The following PLCB1 variants were observed in gnomAD, a reference collection of about 807,000 sequenced individuals.
PLCB1 encodes the protein phospholipase C beta 1.
Under a neutral mutation model 161.8 loss-of-function variants are expected in PLCB1, and 46 were observed. The ratio of observed to expected loss-of-function variants is 0.28; its 90% CI spans 0.22 to 0.36. PLCB1 has a LOEUF of 0.36. Ranked by LOEUF, PLCB1 falls within the 10% of genes least tolerant of loss-of-function variation. PLCB1 has a pLI of 1.00. For synonymous variants in PLCB1, 517 were observed against 503.7 expected, an observed-to-expected ratio of 1.03 and a Z score of -0.35; for missense variants, 1,016 against 1,472.5, an observed-to-expected ratio of 0.69 and a Z score of 5.07.
chr20:8,808,169 C>T (rs1032762850), intron 31 of PLCB1, among the ~76,000 whole-genome samples: 2 of 152,194 alleles, frequency 1.3e-5, no homozygotes, highest in Non-Finnish European at 2.9e-5. Flanking sequence ...CTCTGCTCAG[C>T]TTCCACAGCA....
rs191617824 is a variant in PLCB1 at position 8,347,291 on chromosome 20, A to G, written c.178-24091A>G. On this transcript the variant is annotated intron_variant, in intron 2 of 31. Transcript: ENST00000338037. Reference sequence around the variant, plus strand: ...AGTTCTAGAGTTTATAGTGGAAAAAATATGCAGTCCATTGTCTTGAAATGT... The same window carrying G: ...AGTTCTAGAGTTTATAGTGGAAAAAGTATGCAGTCCATTGTCTTGAAATGT... 4.6e-4 allele frequency among the ~76,000 whole-genome samples: 70 copies of G among 152,348 alleles called. 1 individual carries two copies. Among genetic ancestry groups the G allele is most frequent in the African/African-American group, 1.6e-3 (65 of 41,590 alleles).
rs1329546120 is a variant in PLCB1, at chr20:8,802,304, A to G, written c.3423+12043A>G. The G allele has an allele frequency of 1.2e-5, 7 of 581,366 alleles. No individual in the cohort carries two copies. The South Asian group carries it at 1.4e-4, about 11-fold the overall frequency. The allele number at this position is 581,366 out of a possible 1,614,324, so 36.0% of individuals were successfully genotyped here. On this transcript the variant is annotated intron_variant, in intron 31 of 31. Coordinates refer to ENST00000338037, the MANE Select transcript of PLCB1 (RefSeq NM_015192.4). Reference sequence around the variant, plus strand: ...TACATTCCCATCTTTTTTTTCTGCTAAAGTTCCCAGCCACACCCATGATCA... The same window carrying G: ...TACATTCCCATCTTTTTTTTCTGCTGAAGTTCCCAGCCACACCCATGATCA...
intron 2 of PLCB1, among the ~76,000 whole-genome samples, chr20:8,336,929 C>G (rs1047838422): frequency 9.2e-5 from 14 of 151,818 alleles, no homozygotes; most frequent in Admixed American, 6.6e-4. Context: ...ATGTTCAAAA[C>G]AAATATTATA....
chr20:8,222,974 A>G lies in PLCB1; in HGVS notation c.177+72603A>G, dbSNP rs540741993. Among the ~76,000 whole-genome samples the G allele has an allele frequency of 6.3e-4, 96 of 152,218 alleles. No individual in the cohort carries two copies. In the Middle Eastern group the frequency reaches 0.02, roughly 32 times the overall value. On this transcript the variant is annotated intron_variant, in intron 2 of 31. Coordinates refer to ENST00000338037, the MANE Select transcript of PLCB1 (RefSeq NM_015192.4). ...TCATTTCACTCATGAGTGATTACCT[A>G]TGTCCATAGGTCTACTGCCTGTCCT...
In PLCB1 at chr20:8,658,501, A is replaced by G. The variant is rs368325891; in HGVS notation, c.696-37A>G. 29 of 1,504,376 alleles carry G rather than the reference A, an allele frequency of 1.9e-5. No homozygotes were observed. In the African/African-American group the frequency reaches 3.8e-4, roughly 20 times the overall value. The allele number at this position is 1,504,376 out of a possible 1,614,324, so 93.2% of individuals were successfully genotyped here. On this transcript the variant is annotated intron_variant, in intron 8 of 31. Transcript: ENST00000338037. ...CAAATATTAGAATGAAACTTAGTTT[A>G]AAAAATTCTTATTGCTTGGTTTTTC...
At chr20:8,239,170 G>C (rs912474363) in intron 2 of PLCB1, among the ~76,000 whole-genome samples, 1 of 152,002 alleles carries the variant, frequency 6.6e-6, no homozygotes, top group Non-Finnish European at 1.5e-5. Context: ...TCAGAGCTAG[G>C]ATGAGACTGA....
At position 8,178,976 on chromosome 20, in the gene PLCB1, G is replaced by A. The variant is rs982665540; in HGVS notation, c.177+28605G>A. ...GGCTTTATTTCTGGGCTCTCTATTC[G>A]GTTCCATTGGTCTACGTGTCTATTT... On this transcript the variant is annotated intron_variant, in intron 2 of 31. Transcript: ENST00000338037. Among the ~76,000 whole-genome samples the A allele has an allele frequency of 5.3e-5, 8 of 152,130 alleles. No individual in the cohort carries two copies. The South Asian group carries it at 1.0e-3, about 20-fold the overall frequency.
At position 8,168,786 on chromosome 20, in the gene PLCB1, G is replaced by A. The variant is rs576401394; in HGVS notation, c.177+18415G>A. Among the ~76,000 whole-genome samples the A allele has an allele frequency of 2.6e-5, 4 of 151,616 alleles. No homozygotes were observed. The South Asian group carries it at 8.3e-4, about 32-fold the overall frequency. ...TTCCCTTTCTTTGTATCCTGTGTTG[G>A]GAAATGGAAATAATTCAAAATCTGT... On this transcript the variant is annotated intron_variant, in intron 2 of 31. Coordinates refer to ENST00000338037, the MANE Select transcript of PLCB1 (RefSeq NM_015192.4).
chr20:8,536,328 G>T (rs766812545), intron 3 of PLCB1, among the ~76,000 whole-genome samples: 3 of 152,108 alleles, frequency 2.0e-5, no homozygotes, highest in Non-Finnish European at 4.4e-5. Context: ...AGTTTGTTGT[G>T]GTTTGAGTTT....
At chr20:8,344,583 C>A (rs946416967) in intron 2 of PLCB1, among the ~76,000 whole-genome samples, 1 of 152,180 alleles carries the variant, frequency 6.6e-6, no homozygotes, top group Non-Finnish European at 1.5e-5. Flanking sequence ...TCCAGCTTCA[C>A]CTCCCAGTAC....
At chr20:8,291,372 A>G (rs1186278719) in intron 2 of PLCB1, among the ~76,000 whole-genome samples, 1 of 152,180 alleles carries the variant, frequency 6.6e-6, no homozygotes, top group African/African-American at 2.4e-5. Flanking sequence ...CAAGGAAAAC[A>G]GCAAAAACAG....
intron 9 of PLCB1, among the ~76,000 whole-genome samples, chr20:8,681,200 A>T (rs1990212809): frequency 6.7e-6 from 1 of 150,212 alleles, no homozygotes; most frequent in Admixed American, 6.7e-5. Context: ...TTGGATACAC[A>T]TTCTTTGCAT....
chr20:8,173,771 G>A (rs921498250), intron 2 of PLCB1, among the ~76,000 whole-genome samples: 3 of 151,918 alleles, frequency 2.0e-5, no homozygotes, highest in African/African-American at 7.3e-5. Flanking sequence ...TGCAAAAATA[G>A]AAAACTTCAG....
At chr20:8,289,222 G>C (rs893961128) in intron 2 of PLCB1, among the ~76,000 whole-genome samples, 6 of 152,166 alleles carry the variant, frequency 3.9e-5, no homozygotes, top group Admixed American at 3.9e-4. Flanking sequence ...AGAATTGATT[G>C]AGTGCTTTCA....
chr20:8,249,196 A>G (rs1481341969), intron 2 of PLCB1, among the ~76,000 whole-genome samples: 2 of 151,982 alleles, frequency 1.3e-5, no homozygotes, highest in African/African-American at 4.8e-5. Context: ...TTCGATTTAC[A>G]TAAGAAATAG....
chr20:8,234,091 G>A (rs1980204852), intron 2 of PLCB1, among the ~76,000 whole-genome samples: 1 of 152,070 alleles, frequency 6.6e-6, no homozygotes, highest in Non-Finnish European at 1.5e-5. Flanking sequence ...GTGTGTCTTA[G>A]AGTGAAACTG....
chr20:8,216,670 C>T (rs893599264), intron 2 of PLCB1, among the ~76,000 whole-genome samples: 1 of 151,986 alleles, frequency 6.6e-6, no homozygotes, highest in Non-Finnish European at 1.5e-5. Flanking sequence ...TCAAAAAGGT[C>T]AGAGAAAAGG....
chr20:8,376,236 C>T (rs1177131501), intron 3 of PLCB1, among the ~76,000 whole-genome samples: 1 of 152,102 alleles, frequency 6.6e-6, no homozygotes, highest in Non-Finnish European at 1.5e-5. Context: ...GATCTGACAA[C>T]TAGTTTATTC....
At chr20:8,229,250 C>G (rs1017532878) in intron 2 of PLCB1, among the ~76,000 whole-genome samples, 3 of 151,416 alleles carry the variant, frequency 2.0e-5, no homozygotes, top group Non-Finnish European at 4.4e-5. Context: ...TGAGAAAAAC[C>G]CAGGCATGCA....
Sources: allele counts gnomAD v4.1 joint callset (sites outside exome capture counted in the v4.1 genomes callset), GRCh38; gene constraint gnomAD v4.1.1; transcripts MANE v1.5; gene names NCBI Gene and HGNC (gene_info 2026-07-23, HGNC 2026-07-21).